Variants in TRABD2B observed in about 807,000 individuals in gnomAD.
TRABD2B encodes TraB domain containing 2B.
A neutral mutation model predicts 40.1 loss-of-function variants in TRABD2B; 14 were observed. That is an observed-to-expected ratio of 0.35 (90% CI 0.23 to 0.55). The LOEUF (loss-of-function observed/expected upper bound fraction) is 0.55. Among genes scored for constraint, TRABD2B ranks in the 20% least tolerant of loss-of-function variants. TRABD2B has a pLI of 0.90. For synonymous variants in TRABD2B, 263 were observed against 277.0 expected (o/e 0.95, Z 0.50); for missense variants, 541 against 648.6 (o/e 0.83, Z 1.80).
rs1646088358 is a variant in TRABD2B, at chr1:47,996,166, G to A, written c.102+522C>T. Among the ~76,000 whole-genome samples, 1 of 152,084 alleles carries A rather than the reference G, an allele frequency of 6.6e-6. No homozygotes were observed. The highest frequency in any genetic ancestry group is 1.5e-5 in the Non-Finnish European group (1 of 68,034). On this transcript the variant is annotated intron_variant, in intron 1 of 6. Transcript: ENST00000606738. The surrounding 1 kb of genome is among the most constrained non-coding windows in gnomAD (Gnocchi z 4.6). The stretch of plus-strand genomic sequence containing the variant: ...GGGAGAGTAGGTGGTGGGAGCCTGG[G>A]CCGCAGAGATGGAGGTGAGAACGAG...
At chr1:47,902,731 T>C (rs1185789634) in intron 2 of TRABD2B, among the ~76,000 whole-genome samples, 3 of 152,278 alleles carry the variant, frequency 2.0e-5, no homozygotes, top group Admixed American at 2.0e-4. Context: ...CAAGCCATCC[T>C]CCCACCTTGG....
At chr1:47,821,795 A>G (rs1231780732) in intron 2 of TRABD2B, among the ~76,000 whole-genome samples, 2 of 152,116 alleles carry the variant, frequency 1.3e-5, no homozygotes, top group Non-Finnish European at 2.9e-5. Context: ...GGATTCCAGG[A>G]TGCCCCTCAA....
intron 2 of TRABD2B, among the ~76,000 whole-genome samples, chr1:47,971,693 T>G (rs1022212760): frequency 2.0e-5 from 3 of 152,104 alleles, no homozygotes; most frequent in Non-Finnish European, 4.4e-5. Flanking sequence ...CAGAACCTCC[T>G]CAATTGCTTT....
At chr1:47,948,002 T>C (rs1645283975) in intron 2 of TRABD2B, among the ~76,000 whole-genome samples, 1 of 152,136 alleles carries the variant, frequency 6.6e-6, no homozygotes, top group Non-Finnish European at 1.5e-5. Context: ...GCCAGATAAG[T>C]ACCCCAAAAG....
chr1:47,842,646 C>T (rs1029873852), intron 2 of TRABD2B, among the ~76,000 whole-genome samples: 3 of 152,212 alleles, frequency 2.0e-5, no homozygotes, highest in African/African-American at 7.2e-5. Context: ...AAGTGGCTTA[C>T]TTCTCTGAGC....
chr1:47,795,099 G>A (rs945262882), intron 3 of TRABD2B, among the ~76,000 whole-genome samples: 1 of 152,178 alleles, frequency 6.6e-6, no homozygotes, highest in African/African-American at 2.4e-5. Context: ...GAGCAAGGTG[G>A]ACTTAGGATA....
At chr1:47,781,057 G>A (rs1377197063) in intron 4 of TRABD2B, among the ~76,000 whole-genome samples, 1 of 152,212 alleles carries the variant, frequency 6.6e-6, no homozygotes, top group African/African-American at 2.4e-5. Flanking sequence ...ACTGAGTGAT[G>A]GGCTGGAGAC....
intron 2 of TRABD2B, among the ~76,000 whole-genome samples, chr1:47,879,351 A>G (rs906968646): frequency 1.3e-5 from 2 of 152,144 alleles, no homozygotes; most frequent in Non-Finnish European, 2.9e-5. Context: ...TTACTTTTTT[A>G]TGTTTAGATA....
intron 2 of TRABD2B, among the ~76,000 whole-genome samples, chr1:47,949,401 C>CTTTTTTTTTTTT (rs35027686): frequency 1.2e-4 from 10 of 80,280 alleles, no homozygotes; most frequent in African/African-American, 2.8e-4. Flanking sequence ...TCTTTTCTTT[C>CTTTTTTTTTTTT]TTTTTTTTTT....
intron 2 of TRABD2B, among the ~76,000 whole-genome samples, chr1:47,990,458 G>T (rs909686374): frequency 6.6e-6 from 1 of 152,008 alleles, no homozygotes; most frequent in East Asian, 1.9e-4. Flanking sequence ...GGGGCTCACC[G>T]CCTCCTAATA....
chr1:47,779,731 T>C (rs1401802798), intron 4 of TRABD2B, among the ~76,000 whole-genome samples: 1 of 152,114 alleles, frequency 6.6e-6, no homozygotes, highest in Non-Finnish European at 1.5e-5. Flanking sequence ...GCCTGCCCTG[T>C]GGCTGCACTC....
At chr1:47,846,977 A>C (rs1645480993) in intron 2 of TRABD2B, among the ~76,000 whole-genome samples, 1 of 152,016 alleles carries the variant, frequency 6.6e-6, no homozygotes, top group African/African-American at 2.4e-5. Flanking sequence ...GAGTGTCCAG[A>C]TCAAAGGATG....
chr1:47,879,155 T>C (rs1644265955), intron 2 of TRABD2B, among the ~76,000 whole-genome samples: 2 of 151,880 alleles, frequency 1.3e-5, no homozygotes, highest in South Asian at 4.2e-4. Flanking sequence ...GTACGACATG[T>C]AGGAAGCATT....
In TRABD2B at chr1:47,763,287, T is replaced by A. The variant is rs903048086; in HGVS notation, c.*2615A>T. On this transcript the variant is annotated 3_prime_UTR_variant, in exon 7 of 7. Transcript: ENST00000606738. Reference sequence around the variant, plus strand: ...GGTGGTCCTCAGAGATCAGTGAACTTTGGCAACAGATGTCTGACCACATTG... The same window carrying A: ...GGTGGTCCTCAGAGATCAGTGAACTATGGCAACAGATGTCTGACCACATTG... 6.6e-6 allele frequency: 1 copy of A among 152,242 alleles called. No individual in the cohort carries two copies. Among genetic ancestry groups the A allele is most frequent in the Non-Finnish European group, 1.5e-5 (1 of 68,046 alleles). The allele number at this position is 152,242 out of a possible 1,614,324, so 9.4% of individuals were successfully genotyped here.
chr1:47,825,692 C>T (rs1304002425), intron 2 of TRABD2B, among the ~76,000 whole-genome samples: 1 of 152,194 alleles, frequency 6.6e-6, no homozygotes, highest in Non-Finnish European at 1.5e-5. Context: ...TCTCAGAAGG[C>T]ACCCACCCTC....
intron 2 of TRABD2B, among the ~76,000 whole-genome samples, chr1:47,854,008 T>G (rs1298357754): frequency 6.6e-6 from 1 of 152,240 alleles, no homozygotes; most frequent in East Asian, 1.9e-4. Context: ...TACTGTTTCC[T>G]TCTCCCACTA....
intron 2 of TRABD2B, among the ~76,000 whole-genome samples, chr1:47,927,461 T>A (rs1286358100): frequency 1.3e-5 from 2 of 152,176 alleles, no homozygotes; most frequent in Admixed American, 6.5e-5. Flanking sequence ...TGGACAGGCT[T>A]CTGGGCTGAA....
intron 4 of TRABD2B, among the ~76,000 whole-genome samples, chr1:47,789,519 T>A (rs895206689): frequency 2.6e-5 from 4 of 152,116 alleles, no homozygotes; most frequent in Non-Finnish European, 5.9e-5. Flanking sequence ...GGAGGAAACA[T>A]CTTTAACTTC....
intron 2 of TRABD2B, among the ~76,000 whole-genome samples, chr1:47,854,173 G>A (rs549146521): frequency 2.6e-5 from 4 of 152,282 alleles, no homozygotes; most frequent in Non-Finnish European, 5.9e-5. Flanking sequence ...AAATGGGGAC[G>A]GTCTCCTGGG....
Sources: gnomAD v4.1 joint callset for allele counts (sites outside exome capture counted in the v4.1 genomes callset) on GRCh38, gnomAD v4.1.1 for gene constraint, Gnocchi (gnomAD v3.1) non-coding constraint, MANE v1.5 for transcripts, NCBI Gene and HGNC (gene_info 2026-07-23, HGNC 2026-07-21) for gene names.